INTS2: variants seen among roughly 807,000 people sequenced by gnomAD.
INTS2 encodes integrator complex subunit 2, also known as KIAA1287.
INTS2 carries 57 observed loss-of-function variants against 139.6 expected under a neutral mutation model. The ratio of observed to expected loss-of-function variants is 0.41; its 90% CI spans 0.33 to 0.51. The LOEUF is 0.51. Among genes scored for constraint, INTS2 ranks in the 20% least tolerant of loss-of-function variants. The probability of loss-of-function intolerance (pLI) is 0.28; values close to 1 mark genes in which losing one functional copy is unlikely to be tolerated. For missense variants in INTS2, 1,196 were observed against 1,436.7 expected (o/e 0.83, Z 2.71); for synonymous variants, 473 against 493.4 (o/e 0.96, Z 0.55).
Position 61,875,323 on chromosome 17 carries a change from C to A in INTS2, c.2457-285G>T, listed in dbSNP as rs1471807636. Among the ~76,000 whole-genome samples, 1 of 152,150 alleles carries A rather than the reference C, an allele frequency of 6.6e-6. No homozygotes were observed. Among genetic ancestry groups the A allele is most frequent in the Non-Finnish European group, 1.5e-5 (1 of 68,020 alleles). On this transcript the variant is annotated intron_variant, in intron 18 of 24. Coordinates refer to ENST00000251334, the MANE Select transcript of INTS2 (RefSeq NM_001351695.2). The surrounding 1 kb of genome is among the most constrained non-coding windows in gnomAD (Gnocchi z 4.6). ...AACCTGAGTTAAAACCTTAGTTATA[C>A]CATACTTGCTATATGACTCTGTGTA...
chr17:61,879,601 A>G (rs928303786), intron 17 of INTS2, among the ~76,000 whole-genome samples: 1 of 152,178 alleles, frequency 6.6e-6, no homozygotes, highest in African/African-American at 2.4e-5. Flanking sequence ...TTGTAATTCC[A>G]GCACTTTGGG....
At position 61,907,637 on chromosome 17, in the gene INTS2, GA is replaced by G; in HGVS notation, c.955-4del. ...GAACTGCTGGTCTCTCTTTTTCTCT[GA>G]AAGAAATATGGATCACAAAAGGAAG... On this transcript the variant is annotated splice_polypyrimidine_tract_variant and splice_region_variant and intron_variant, in intron 7 of 24. Transcript: ENST00000251334. 6.4e-7 allele frequency: 1 copy of G among 1,567,744 alleles called. No individual in the cohort carries two copies. The highest frequency in any genetic ancestry group is 1.9e-5 in the Admixed American group (1 of 53,046).
intron 19 of INTS2, 30 bp downstream of exon 19, chr17:61,874,883 T>C: frequency 2.0e-6 from 3 of 1,516,268 alleles, no homozygotes; most frequent in South Asian, 1.3e-5. Context: ...TACAGCTCTA[T>C]AATAAAAATG....
At chr17:61,892,290 T>C (rs1251966645) in intron 13 of INTS2, among the ~76,000 whole-genome samples, 1 of 152,214 alleles carries the variant, frequency 6.6e-6, no homozygotes, top group Non-Finnish European at 1.5e-5. Flanking sequence ...ATATCATGCA[T>C]ATATTATTCA....
At chr17:61,927,554 G>A in intron 1 of INTS2, 100 bp downstream of exon 1, 1 of 784,154 alleles carries the variant, frequency 1.3e-6, no homozygotes, top group Admixed American at 4.9e-5. Flanking sequence ...CGCCCCGGGC[G>A]CAACTAGAAC....
At chr17:61,923,367 C>T (rs1464889847) in intron 3 of INTS2, among the ~76,000 whole-genome samples, 1 of 149,588 alleles carries the variant, frequency 6.7e-6, no homozygotes, top group Non-Finnish European at 1.5e-5. Context: ...GTCCCAGCTA[C>T]TCGGGAGGCT....
chr17:61,895,823 T>C (rs2079342102), intron 11 of INTS2, among the ~76,000 whole-genome samples: 1 of 151,996 alleles, frequency 6.6e-6, no homozygotes, highest in South Asian at 2.1e-4. Context: ...TCCAAGTAGA[T>C]TAAAATGTTC....
chr17:61,885,987 C>A (rs1210069811), intron 15 of INTS2, among the ~76,000 whole-genome samples: 1 of 151,998 alleles, frequency 6.6e-6, no homozygotes, highest in African/African-American at 2.4e-5. Flanking sequence ...CTTGGCCTCC[C>A]AAACTGCTGG....
rs971585756 is a variant in INTS2 at position 61,870,941 on chromosome 17, T to C, written c.2779-953A>G. 1.3e-5 allele frequency among the ~76,000 whole-genome samples: 2 copies of C among 152,192 alleles called. No individual in the cohort carries two copies. Among genetic ancestry groups the C allele is most frequent in the Non-Finnish European group, 2.9e-5 (2 of 68,034 alleles). ...GTCACATTTTCCTACTCTGTAAAAA[T>C]GGAGATAATACTCTATACCTCATAG... is the stretch of plus-strand genomic sequence containing the variant. On this transcript the variant is annotated intron_variant, in intron 20 of 24. Transcript: ENST00000251334. This position sits in a 1 kb window ranked among gnomAD's most constrained non-coding sequence, Gnocchi z 4.4.
intron 11 of INTS2, among the ~76,000 whole-genome samples, chr17:61,896,355 T>C (rs2079349618): frequency 2.0e-5 from 3 of 151,124 alleles, no homozygotes; most frequent in Admixed American, 6.6e-5. Context: ...AATTATAACA[T>C]ATTGAACTCT....
rs1481875420 is a variant in INTS2, at chr17:61,907,604, A to C, written c.985T>G (p.Trp329Gly). The C allele has an allele frequency of 9.4e-6, 15 of 1,590,226 alleles. No individual in the cohort carries two copies. Among genetic ancestry groups the C allele is most frequent in the Non-Finnish European group, 1.3e-5 (15 of 1,167,446 alleles). The change falls in exon 8 of 25, where the codon TGG becomes GGG. Residue 329 changes from tryptophan to glycine, a missense_variant. By Grantham distance (184) the Trp-to-Gly change is radical. Transcript: ENST00000251334. ...RKRETSSSVL[W>G]QMRRQLLLEL... ...AGAAGAAGCTGCCTTCTCATCTGCC[A>C]AAGGACAGAACTGCTGGTCTCTCTT...
At chr17:61,905,629 A>C (rs544045004) in intron 8 of INTS2, among the ~76,000 whole-genome samples, 1 of 152,058 alleles carries the variant, frequency 6.6e-6, no homozygotes, top group East Asian at 1.9e-4. Context: ...CCCGGTCTTA[A>C]AGTTTTTTTA....
rs567510531 is a variant in INTS2, at chr17:61,917,174, C to A, written c.649+2226G>T. Reference sequence around the variant, plus strand: ...GGCTGTGGAGAAAAGAGAACACTTACACATTGTTGGTGGGAATGTAAATTA... The same window carrying A: ...GGCTGTGGAGAAAAGAGAACACTTAAACATTGTTGGTGGGAATGTAAATTA... On this transcript the variant is annotated intron_variant, in intron 5 of 24. Transcript: ENST00000251334. 5.3e-5 allele frequency among the ~76,000 whole-genome samples: 8 copies of A among 152,248 alleles called. No individual in the cohort carries two copies. In the East Asian group the frequency reaches 1.4e-3, roughly 26 times the overall value.
At position 61,875,379 on chromosome 17, in the gene INTS2, G is replaced by A. The variant is rs138729060; in HGVS notation, c.2457-341C>T. 4.0e-3 allele frequency among the ~76,000 whole-genome samples: 614 copies of A among 152,190 alleles called. 5 individuals are homozygous for A. Among genetic ancestry groups the A allele is most frequent in the African/African-American group, 0.014 (592 of 41,528 alleles). Reference sequence around the variant, plus strand: ...CTGAGGCTCTCTAAACTGTTTCCTCGTCTGTAAAATAGAAATGACATAATA... The same window carrying A: ...CTGAGGCTCTCTAAACTGTTTCCTCATCTGTAAAATAGAAATGACATAATA... On this transcript the variant is annotated intron_variant, in intron 18 of 24. Transcript: ENST00000251334. This position sits in a 1 kb window ranked among gnomAD's most constrained non-coding sequence, Gnocchi z 4.6.
At chr17:61,884,257 G>A (rs1396014632) in intron 16 of INTS2, among the ~76,000 whole-genome samples, 3 of 152,054 alleles carry the variant, frequency 2.0e-5, no homozygotes, top group South Asian at 2.1e-4. Context: ...TTGGGAGGCC[G>A]AGGTGGGCAG....
chr17:61,877,386 A>G (rs2079135620), intron 18 of INTS2, among the ~76,000 whole-genome samples: 2 of 152,210 alleles, frequency 1.3e-5, no homozygotes, highest in African/African-American at 2.4e-5. Flanking sequence ...GATCCAATCT[A>G]TGAACCAGCA....
chr17:61,915,465 G>A (rs1357762719), intron 5 of INTS2, among the ~76,000 whole-genome samples: 1 of 151,404 alleles, frequency 6.6e-6, no homozygotes, highest in African/African-American at 2.4e-5. Flanking sequence ...GGTAGAGGTT[G>A]CAGTGCGCCG....
chr17:61,888,860 TAAAAATACAAA>T (rs1283015845), intron 15 of INTS2, among the ~76,000 whole-genome samples: 1 of 151,840 alleles, frequency 6.6e-6, no homozygotes, highest in Non-Finnish European at 1.5e-5. Context: ...CCATCTTTAC[TAAAAATACAAA>T]AAAATTAGCC....
rs779712934 is a variant in INTS2, at chr17:61,893,744, G to A, written c.1698+21C>T. 1.3e-6 allele frequency: 2 copies of A among 1,523,016 alleles called. No individual in the cohort carries two copies. Among genetic ancestry groups the A allele is most frequent in the South Asian group, 1.4e-5 (1 of 73,052 alleles). 94.3% of individuals were successfully genotyped at this position (1,523,016 alleles called of 1,614,324 possible). On this transcript the variant is annotated intron_variant, in intron 13 of 24. Transcript: ENST00000251334. This position sits in a 1 kb window ranked among gnomAD's most constrained non-coding sequence, Gnocchi z 5.4. ...AAATGTAGGGGCATGCTTTTATTTT[G>A]TTTTATTTGTAGGGGCATACTTTTA...
Sources: gnomAD v4.1 joint callset for allele counts (sites outside exome capture counted in the v4.1 genomes callset) on GRCh38, gnomAD v4.1.1 for gene constraint, Gnocchi (gnomAD v3.1) non-coding constraint, MANE v1.5 for transcripts, NCBI Gene and HGNC (gene_info 2026-07-23, HGNC 2026-07-21) for gene names.